The following LINGO2 variants were observed in gnomAD, a reference collection of about 807,000 sequenced individuals.
The protein encoded by LINGO2 is leucine-rich repeat and immunoglobulin-like domain-containing nogo receptor-interacting protein 2.
In LINGO2, 14 loss-of-function variants were observed where a neutral mutation model predicts 30.6. The ratio of observed to expected loss-of-function variants is 0.46; its 90% CI spans 0.30 to 0.72. LINGO2 has a LOEUF of 0.72. LINGO2 is among the 30% of genes least tolerant of loss of function. The pLI is 0.07. For missense variants in LINGO2, 729 were observed against 751.7 expected (o/e 0.97, Z 0.35); for synonymous variants, 317 against 288.5 (o/e 1.10, Z -1.00).
chr9:29,195,352 TG>T, the LINGO2 span, among the ~76,000 whole-genome samples: 1 of 151,944 alleles, frequency 6.6e-6, no homozygotes, highest in Non-Finnish European at 1.5e-5. Flanking sequence ...ATATTGTGTG[TG>T]TGTGTGTGTG....
chr9:29,119,550 T>C, the LINGO2 span, among the ~76,000 whole-genome samples: 2 of 150,714 alleles, frequency 1.3e-5, no homozygotes, highest in South Asian at 2.1e-4. Flanking sequence ...AGTTCCCTAA[T>C]TGAATCATAT....
the LINGO2 span, among the ~76,000 whole-genome samples, chr9:28,784,880 G>A: frequency 6.6e-6 from 1 of 151,826 alleles, no homozygotes. Context: ...CTTGGGAGGT[G>A]GAGGTTGTAG....
chr9:29,083,977 G>A, the LINGO2 span, among the ~76,000 whole-genome samples: 1 of 151,672 alleles, frequency 6.6e-6, no homozygotes, highest in Admixed American at 6.6e-5. Flanking sequence ...TCATCTACCT[G>A]GTGTACAATC....
intron 1 of LINGO2, among the ~76,000 whole-genome samples, chr9:28,524,694 A>G (rs1434255756): frequency 6.6e-6 from 1 of 152,224 alleles, no homozygotes; most frequent in Non-Finnish European, 1.5e-5. Flanking sequence ...CAGAGGTTGC[A>G]GTGAGCAGAG....
intron 4 of LINGO2, among the ~76,000 whole-genome samples, chr9:28,044,401 G>T (rs1156753517): frequency 6.6e-6 from 1 of 152,102 alleles, no homozygotes; most frequent in African/African-American, 2.4e-5. Context: ...TTTCTTCAGG[G>T]AAGGAGACAG....
the LINGO2 span, among the ~76,000 whole-genome samples, chr9:28,841,330 C>T: frequency 6.6e-6 from 1 of 151,638 alleles, no homozygotes; most frequent in East Asian, 1.9e-4. Flanking sequence ...AAGATTGGCA[C>T]CTGATTTAAC....
intron 2 of LINGO2, among the ~76,000 whole-genome samples, chr9:28,394,220 C>T (rs1184177537): frequency 3.9e-5 from 6 of 152,154 alleles, no homozygotes; most frequent in Admixed American, 3.9e-4. Flanking sequence ...CTTTCCAACG[C>T]AATGCTTCAC....
the LINGO2 span, among the ~76,000 whole-genome samples, chr9:28,711,344 T>G: frequency 5.9e-5 from 9 of 152,062 alleles, no homozygotes; most frequent in African/African-American, 2.2e-4. Flanking sequence ...AAAATTCAGT[T>G]TCCTCATCTG....
chr9:28,383,254 T>TTGTGTGTGTGTGTG (rs3065590), intron 2 of LINGO2, among the ~76,000 whole-genome samples: 1,151 of 73,578 alleles, frequency 0.016, 7 homozygotes, highest in Non-Finnish European at 0.031. Context: ...TCACCATTCA[T>TTGTGTGTGTGTGTG]TGTGTGTGTG....
chr9:28,685,979 G>GTGTA, the LINGO2 span, among the ~76,000 whole-genome samples: 1 of 137,984 alleles, frequency 7.2e-6, no homozygotes, highest in African/African-American at 3.0e-5. Flanking sequence ...CATATATGAT[G>GTGTA]TGTGTGTGTG....
the LINGO2 span, among the ~76,000 whole-genome samples, chr9:28,903,815 T>A: frequency 6.6e-6 from 1 of 151,950 alleles, no homozygotes; most frequent in African/African-American, 2.4e-5. Context: ...TACCAATCCT[T>A]CTCCAAATTT....
chr9:28,536,523 G>A (rs937273981), intron 1 of LINGO2, among the ~76,000 whole-genome samples: 10 of 152,078 alleles, frequency 6.6e-5, no homozygotes, highest in African/African-American at 2.2e-4. Context: ...AGTCGCTTGA[G>A]AGAAACTTGA....
At position 28,084,094 on chromosome 9, in the gene LINGO2, T is replaced by C. The variant is rs116317507; in HGVS notation, c.-86-71689A>G. The stretch of plus-strand genomic sequence containing the variant: ...GAAAATTAATATTTCTGTATTAATT[T>C]CTGTGCATTCTATAAAGCAATGGTA... On this transcript the variant is annotated intron_variant, in intron 4 of 5. Transcript: ENST00000379992. 4.1e-3 allele frequency among the ~76,000 whole-genome samples: 618 copies of C among 152,276 alleles called. 6 individuals carry two copies. The highest frequency in any genetic ancestry group is 0.014 in the African/African-American group (570 of 41,560).
the LINGO2 span, among the ~76,000 whole-genome samples, chr9:28,914,966 T>C: frequency 6.6e-6 from 1 of 152,190 alleles, no homozygotes; most frequent in African/African-American, 2.4e-5. Context: ...ACCTCATCTC[T>C]ACTAAAAATA....
intron 1 of LINGO2, among the ~76,000 whole-genome samples, chr9:28,502,342 T>G (rs1047726168): frequency 5.3e-5 from 8 of 152,098 alleles, no homozygotes; most frequent in African/African-American, 1.9e-4. Context: ...TCAGCTTGAC[T>G]TCTCTCTTGT....
chr9:28,387,774 C>T (rs905937258), intron 2 of LINGO2, among the ~76,000 whole-genome samples: 2 of 151,968 alleles, frequency 1.3e-5, no homozygotes, highest in Admixed American at 6.6e-5. Flanking sequence ...CTGGACGTAC[C>T]ACCTTTATGA....
the LINGO2 span, among the ~76,000 whole-genome samples, chr9:28,940,064 T>C: frequency 0.74 from 112,414 of 152,108 alleles, 41,696 homozygotes; most frequent in Non-Finnish European, 0.78. Flanking sequence ...CATTTTATAA[T>C]TTCTACATTG....
At chr9:28,716,375 A>G in the LINGO2 span, among the ~76,000 whole-genome samples, 72 of 152,100 alleles carry the variant, frequency 4.7e-4, no homozygotes, top group African/African-American at 1.6e-3. Context: ...TAGATAGGAA[A>G]GGGTCCAAAA....
chr9:28,597,128 A>G (rs920005666), intron 1 of LINGO2, among the ~76,000 whole-genome samples: 26 of 152,160 alleles, frequency 1.7e-4, no homozygotes, highest in African/African-American at 5.5e-4. Flanking sequence ...TTGACATAAG[A>G]TGAGTAATAT....
Sources: allele counts gnomAD v4.1 joint callset (sites outside exome capture counted in the v4.1 genomes callset), GRCh38; gene constraint gnomAD v4.1.1; transcripts MANE v1.5; gene names NCBI Gene and HGNC (gene_info 2026-07-23, HGNC 2026-07-21).